Variants in TAOK3 observed in about 807,000 individuals in gnomAD.
TAOK3 encodes the protein serine/threonine-protein kinase TAO3.
TAOK3 carries 40 observed loss-of-function variants against 120.4 expected under a neutral mutation model. The observed-to-expected ratio is 0.33, with a 90% CI of 0.26 to 0.43. The LOEUF (loss-of-function observed/expected upper bound fraction) is 0.43, where lower values mean the gene tolerates loss of function less well. Among genes scored for constraint, TAOK3 ranks in the 20% least tolerant of loss-of-function variants. TAOK3 has a pLI of 1.00. For missense variants in TAOK3, 821 were observed against 1,112.1 expected, an observed-to-expected ratio of 0.74 and a Z score of 3.72; for synonymous variants, 355 against 387.5, an observed-to-expected ratio of 0.92 and a Z score of 0.99.
intron 1 of TAOK3, among the ~76,000 whole-genome samples, chr12:118,274,435 T>A (rs2140347610): frequency 6.6e-6 from 1 of 152,288 alleles, no homozygotes; most frequent in Middle Eastern, 3.4e-3. Flanking sequence ...TACTCCTGGG[T>A]CAACTGACAT....
In TAOK3 at chr12:118,150,956, CTTTTTTTT is replaced by C. The variant is rs201481032; in HGVS notation, c.*33_*40del. The C allele has an allele frequency of 8.6e-5, 108 of 1,255,804 alleles. No homozygotes were observed. Among genetic ancestry groups the C allele is most frequent in the Non-Finnish European group, 1.0e-4 (97 of 944,032 alleles). 77.8% of individuals were successfully genotyped at this position (1,255,804 alleles called of 1,614,324 possible). On this transcript the variant is annotated 3_prime_UTR_variant, in exon 21 of 21. Coordinates refer to ENST00000392533, the MANE Select transcript of TAOK3 (RefSeq NM_016281.4). The stretch of plus-strand genomic sequence containing the variant: ...CAGGGTCTGAATTTTTTTCTGTTTT[CTTTTTTTT>C]TTTTTTTTTTGTAAATGGCAAAAAA...
chr12:118,341,841 T>A (rs866197801), intron 1 of TAOK3, among the ~76,000 whole-genome samples: 2 of 152,096 alleles, frequency 1.3e-5, no homozygotes, highest in East Asian at 3.9e-4. Flanking sequence ...CTGGGCAATA[T>A]AGTGAAATCT....
At chr12:118,185,292 T>C (rs1593083054) in intron 14 of TAOK3, among the ~76,000 whole-genome samples, 1 of 152,234 alleles carries the variant, frequency 6.6e-6, no homozygotes, top group African/African-American at 2.4e-5. Flanking sequence ...TGCTACTTTA[T>C]TTAATTCCAG....
intron 13 of TAOK3, 67 bp downstream of exon 13, chr12:118,198,984 A>T: frequency 6.4e-7 from 1 of 1,564,134 alleles, no homozygotes; most frequent in Non-Finnish European, 8.8e-7. Context: ...CTGGAAGCTA[A>T]GTGACTTGAA....
intron 1 of TAOK3, among the ~76,000 whole-genome samples, chr12:118,352,763 T>A (rs56284927): frequency 0.11 from 17,318 of 152,142 alleles, 1,240 homozygotes; most frequent in Middle Eastern, 0.19. Context: ...CAGGCTGAAG[T>A]GCTGTGGCAC....
intron 9 of TAOK3, among the ~76,000 whole-genome samples, chr12:118,220,843 C>T (rs1282803319): frequency 6.6e-6 from 1 of 152,140 alleles, no homozygotes; most frequent in African/African-American, 2.4e-5. Flanking sequence ...AACCATAGAA[C>T]AGCTCTATAG....
Position 118,150,942 on chromosome 12 carries a change from T to C in TAOK3, c.*55A>G. On this transcript the variant is annotated 3_prime_UTR_variant, in exon 21 of 21. Transcript: ENST00000392533. ...GGAATGTGGTTTTGCAGGGTCTGAA[T>C]TTTTTTCTGTTTTCTTTTTTTTTTT... 1 of 1,524,094 alleles carries C rather than the reference T, an allele frequency of 6.6e-7. No individual in the cohort carries two copies. Among genetic ancestry groups the C allele is most frequent in the Non-Finnish European group, 8.8e-7 (1 of 1,138,102 alleles). The allele number at this position is 1,524,094 out of a possible 1,614,324, so 94.4% of individuals were successfully genotyped here. A position where few individuals can be genotyped will look rare whatever the true frequency, so the allele number is the denominator to read the frequency against.
At chr12:118,239,876 C>T (rs1307719565) in intron 5 of TAOK3, among the ~76,000 whole-genome samples, 2 of 152,144 alleles carry the variant, frequency 1.3e-5, no homozygotes, top group East Asian at 3.9e-4. Context: ...TATTATAATA[C>T]TATTGATAGG....
At chr12:118,364,665 C>T (rs575617785) in intron 1 of TAOK3, among the ~76,000 whole-genome samples, 21 of 152,094 alleles carry the variant, frequency 1.4e-4, no homozygotes, top group Non-Finnish European at 2.6e-4. Context: ...CCCAGCACTT[C>T]GAGAGGCCAA....
intron 1 of TAOK3, among the ~76,000 whole-genome samples, chr12:118,322,959 G>A (rs941407930): frequency 6.6e-6 from 1 of 151,670 alleles, no homozygotes; most frequent in Non-Finnish European, 1.5e-5. Flanking sequence ...TGATCCACCC[G>A]CCTCAGCCTC....
intron 1 of TAOK3, among the ~76,000 whole-genome samples, chr12:118,303,685 T>A (rs1298572937): frequency 6.6e-6 from 1 of 152,250 alleles, no homozygotes; most frequent in Non-Finnish European, 1.5e-5. Context: ...TTTGCTCTTG[T>A]CACCCAGGCT....
intron 1 of TAOK3, among the ~76,000 whole-genome samples, chr12:118,340,992 AT>A (rs1181293202): frequency 0.04 from 5,629 of 140,578 alleles, 285 homozygotes; most frequent in African/African-American, 0.13. Flanking sequence ...AATATATCTA[AT>A]TTTTTTTTTT....
chr12:118,220,937 G>C (rs771596899), intron 9 of TAOK3, among the ~76,000 whole-genome samples: 4 of 152,202 alleles, frequency 2.6e-5, no homozygotes, highest in Non-Finnish European at 5.9e-5. Flanking sequence ...TAAATCCTCT[G>C]AGCAATGGTG....
intron 1 of TAOK3, among the ~76,000 whole-genome samples, chr12:118,363,151 T>C (rs2045651723): frequency 6.6e-6 from 1 of 151,604 alleles, no homozygotes. Context: ...CAAAGGCCAC[T>C]TTAGAGAATA....
chr12:118,183,449 C>A (rs2138943049), intron 14 of TAOK3, among the ~76,000 whole-genome samples: 1 of 152,192 alleles, frequency 6.6e-6, no homozygotes, highest in Non-Finnish European at 1.5e-5. Context: ...AGAATAAGAG[C>A]AGAGGATATT....
chr12:118,224,226 T>C (rs192389612), intron 9 of TAOK3, among the ~76,000 whole-genome samples: 4 of 152,368 alleles, frequency 2.6e-5, no homozygotes, highest in Admixed American at 2.6e-4. Context: ...GTGTTCTTTT[T>C]ACTAGGCCAT....
At chr12:118,152,680 T>A (rs894669354) in intron 19 of TAOK3, 2 of 375,020 alleles carry the variant, frequency 5.3e-6, no homozygotes, top group African/African-American at 4.0e-5. Flanking sequence ...GCTTTGGAGG[T>A]AGGCTCCTGG....
intron 11 of TAOK3, among the ~76,000 whole-genome samples, chr12:118,210,740 C>CT (rs972130210): frequency 0.074 from 10,332 of 139,000 alleles, 800 homozygotes; most frequent in East Asian, 0.23. Flanking sequence ...TTTCTTTTTT[C>CT]TTTTTTTTTT....
chr12:118,267,212 T>A (rs2041487746), intron 1 of TAOK3, among the ~76,000 whole-genome samples: 1 of 152,092 alleles, frequency 6.6e-6, no homozygotes. Context: ...AGGGTGATGA[T>A]TATTATTTAT....
Sources: gnomAD v4.1 joint callset for allele counts (sites outside exome capture counted in the v4.1 genomes callset) on GRCh38, gnomAD v4.1.1 for gene constraint, MANE v1.5 for transcripts, NCBI Gene and HGNC (gene_info 2026-07-23, HGNC 2026-07-21) for gene names.